The following PRIM2 variants were observed in gnomAD, a reference collection of about 807,000 sequenced individuals.
The protein encoded by PRIM2 is DNA primase subunit 2.
In PRIM2, 39 loss-of-function variants were observed where a neutral mutation model predicts 67.3. The observed-to-expected ratio is 0.58, with a 90% CI of 0.45 to 0.76. The LOEUF is 0.76. Among genes scored for constraint, PRIM2 ranks in the 30% least tolerant of loss-of-function variants. The pLI is 0.00. For synonymous variants in PRIM2, 143 were observed against 198.7 expected (o/e 0.72, Z 2.36); for missense variants, 398 against 598.7 (o/e 0.66, Z 3.50).
intron 7 of PRIM2, among the ~76,000 whole-genome samples, chr6:57,400,936 T>C (rs1350234875): frequency 6.6e-6 from 1 of 152,248 alleles, no homozygotes; most frequent in Non-Finnish European, 1.5e-5. Flanking sequence ...GAAATTCTTG[T>C]ATTGTGTTAT....
the PRIM2 span, among the ~76,000 whole-genome samples, chr6:57,307,168 G>A: frequency 4.0e-4 from 61 of 151,926 alleles, 1 homozygote; most frequent in South Asian, 0.012. Flanking sequence ...TTGTGTTACT[G>A]CATTCCAATC....
At chr6:57,478,337 GTTT>G (rs1170764739) in intron 7 of PRIM2, among the ~76,000 whole-genome samples, 2 of 130,664 alleles carry the variant, frequency 1.5e-5, no homozygotes, top group Admixed American at 7.6e-5. Flanking sequence ...TTTTTTTTTT[GTTT>G]TTTTTTTTTT....
At chr6:57,345,474 A>ATATGTGTGTGTG (rs1554327210) in intron 5 of PRIM2, among the ~76,000 whole-genome samples, 1 of 124,596 alleles carries the variant, frequency 8.0e-6, no homozygotes, top group Admixed American at 8.5e-5. Context: ...ATATATATAT[A>ATATGTGTGTGTG]TGTGTGTGTG....
the PRIM2 span, among the ~76,000 whole-genome samples, chr6:57,309,306 A>G: frequency 1.1e-5 from 1 of 88,396 alleles, no homozygotes; most frequent in South Asian, 3.9e-4. Flanking sequence ...CCACCCCACC[A>G]CAGTCCCCAG....
upstream of PRIM2, among the ~76,000 whole-genome samples, chr6:57,315,130 G>A (rs781398583): frequency 5.9e-5 from 9 of 152,132 alleles, no homozygotes; most frequent in Non-Finnish European, 1.2e-4. Context: ...TGGCTACTTC[G>A]TCTTTTAATT....
intron 7 of PRIM2, among the ~76,000 whole-genome samples, chr6:57,461,657 G>A (rs1196226350): frequency 6.6e-6 from 1 of 152,044 alleles, no homozygotes; most frequent in Admixed American, 6.6e-5. Context: ...GGAAATCCAT[G>A]TTTCATCTTG....
At chr6:57,451,644 G>T (rs1318836700) in intron 7 of PRIM2, among the ~76,000 whole-genome samples, 2 of 152,132 alleles carry the variant, frequency 1.3e-5, no homozygotes, top group African/African-American at 2.4e-5. Flanking sequence ...AGCTGTAGCA[G>T]TGAAGGCAGT....
intron 7 of PRIM2, among the ~76,000 whole-genome samples, chr6:57,437,222 G>C (rs1329325211): frequency 6.6e-6 from 1 of 152,218 alleles, no homozygotes; most frequent in African/African-American, 2.4e-5. Context: ...CAAGGGCATT[G>C]TGGTAAACCA....
At chr6:57,295,376 T>C in the PRIM2 span, among the ~76,000 whole-genome samples, 1 of 152,180 alleles carries the variant, frequency 6.6e-6, no homozygotes, top group Non-Finnish European at 1.5e-5. Context: ...GAATATCTGC[T>C]CCAGTACTTA....
At chr6:57,631,692 T>C (rs1272513596) in intron 12 of PRIM2, among the ~76,000 whole-genome samples, 2 of 152,210 alleles carry the variant, frequency 1.3e-5, no homozygotes, top group African/African-American at 2.4e-5. Flanking sequence ...ATGCTGTATC[T>C]GTATAAACCA....
chr6:57,460,554 C>CT (rs1305195903), intron 7 of PRIM2, among the ~76,000 whole-genome samples: 1 of 148,068 alleles, frequency 6.8e-6, no homozygotes, highest in African/African-American at 2.5e-5. Flanking sequence ...TAAAGAATGT[C>CT]TTTTAAGAGT....
the PRIM2 span, among the ~76,000 whole-genome samples, chr6:57,288,154 C>T: frequency 1.3e-5 from 2 of 152,212 alleles, no homozygotes; most frequent in South Asian, 2.1e-4. Flanking sequence ...CCCACTCCCA[C>T]GGAGCCTTGT....
intron 7 of PRIM2, among the ~76,000 whole-genome samples, chr6:57,468,587 T>A (rs1773262114): frequency 6.6e-6 from 1 of 152,176 alleles, no homozygotes; most frequent in Non-Finnish European, 1.5e-5. Flanking sequence ...AGCCTGAAAT[T>A]TTCTTTTTTT....
At chr6:57,544,352 T>G (rs1775242902) in intron 10 of PRIM2, among the ~76,000 whole-genome samples, 1 of 152,154 alleles carries the variant, frequency 6.6e-6, no homozygotes, top group African/African-American at 2.4e-5. Flanking sequence ...GTGTTTCTGG[T>G]CACAGATGTT....
chr6:57,442,882 A>G (rs1225685774), intron 7 of PRIM2, among the ~76,000 whole-genome samples: 1 of 152,090 alleles, frequency 6.6e-6, no homozygotes, highest in Non-Finnish European at 1.5e-5. Context: ...CAAAGAAAAA[A>G]AAAATTTCTC....
chr6:57,611,254 G>A (rs1191677708), intron 12 of PRIM2, among the ~76,000 whole-genome samples: 2 of 152,104 alleles, frequency 1.3e-5, no homozygotes, highest in Admixed American at 6.6e-5. Context: ...AAATACTTTT[G>A]TAGCAACCTA....
At chr6:57,526,929 A>G (rs1774767394) in intron 8 of PRIM2, among the ~76,000 whole-genome samples, 1 of 152,182 alleles carries the variant, frequency 6.6e-6, no homozygotes, top group Non-Finnish European at 1.5e-5. Context: ...CAATTCATTA[A>G]TATAGCAGCT....
the PRIM2 span, among the ~76,000 whole-genome samples, chr6:57,259,727 CT>C: frequency 6.6e-6 from 1 of 152,154 alleles, no homozygotes; most frequent in Non-Finnish European, 1.5e-5. Flanking sequence ...AGGAATATTG[CT>C]TGCTGATGAT....
intron 5 of PRIM2, among the ~76,000 whole-genome samples, chr6:57,368,647 A>G (rs73748701): frequency 6.6e-6 from 1 of 152,156 alleles, no homozygotes; most frequent in Non-Finnish European, 1.5e-5. Context: ...CATTTTGGGG[A>G]TGGGTATGGC....
Sources: gnomAD v4.1 joint callset for allele counts (sites outside exome capture counted in the v4.1 genomes callset) on GRCh38, gnomAD v4.1.1 for gene constraint, MANE v1.5 for transcripts, NCBI Gene and HGNC (gene_info 2026-07-23, HGNC 2026-07-21) for gene names.